Variants in ITPK1 observed in about 807,000 individuals in gnomAD.
The protein encoded by ITPK1 is inositol 1,3,4-trisphosphate 5/6-kinase.
ITPK1 carries 21 observed loss-of-function variants against 45.3 expected under a neutral mutation model. The observed-to-expected ratio is 0.46, with a 90% CI of 0.33 to 0.67. The LOEUF (loss-of-function observed/expected upper bound fraction) is 0.67, where lower values mean the gene tolerates loss of function less well. ITPK1 is among the 30% of genes least tolerant of loss of function. The pLI, the probability that ITPK1 is intolerant of heterozygous loss-of-function variation, is 0.02. For synonymous variants in ITPK1, 258 were observed against 253.6 expected, an observed-to-expected ratio of 1.02 and a Z score of -0.16; for missense variants, 474 against 573.5, an observed-to-expected ratio of 0.83 and a Z score of 1.77.
chr14:93,030,006 T>G (rs749706791), intron 3 of ITPK1, among the ~76,000 whole-genome samples: 1 of 152,204 alleles, frequency 6.6e-6, no homozygotes, highest in Non-Finnish European at 1.5e-5. Flanking sequence ...ACCCTGTCTC[T>G]CTGCACTTCC....
intron 2 of ITPK1, among the ~76,000 whole-genome samples, chr14:93,093,306 T>C (rs972710863): frequency 4.6e-5 from 7 of 152,156 alleles, no homozygotes; most frequent in Non-Finnish European, 8.8e-5. Flanking sequence ...GGAGCCCAGC[T>C]CTCTGCCCTG....
chr14:93,008,710 G>C (rs1380956003), intron 4 of ITPK1, among the ~76,000 whole-genome samples: 3 of 152,254 alleles, frequency 2.0e-5, no homozygotes, highest in Non-Finnish European at 4.4e-5. Flanking sequence ...GGCAGACACA[G>C]TGGGCTTTAT....
chr14:93,064,501 C>T (rs1226359085), intron 3 of ITPK1, among the ~76,000 whole-genome samples: 1 of 152,100 alleles, frequency 6.6e-6, no homozygotes, highest in Non-Finnish European at 1.5e-5. Context: ...CCCTCTCAGG[C>T]CTCTGTACCC....
At chr14:92,977,666 C>T (rs1364387895) in intron 5 of ITPK1, among the ~76,000 whole-genome samples, 2 of 151,856 alleles carry the variant, frequency 1.3e-5, no homozygotes, top group African/African-American at 4.9e-5. Context: ...GCACTTCATC[C>T]TTCTTTCTCT....
intron 3 of ITPK1, among the ~76,000 whole-genome samples, chr14:93,020,552 T>C (rs1042552782): frequency 4.6e-5 from 7 of 152,272 alleles, no homozygotes; most frequent in Middle Eastern, 3.4e-3. Flanking sequence ...CAGGAAGAAT[T>C]AGTGGCTCCC....
intron 2 of ITPK1, among the ~76,000 whole-genome samples, chr14:93,087,694 C>G (rs1172936888): frequency 6.6e-6 from 1 of 152,212 alleles, no homozygotes; most frequent in African/African-American, 2.4e-5. Flanking sequence ...CTCTGCCATC[C>G]CAGGATTCTC....
chr14:93,093,710 G>A lies in ITPK1; in HGVS notation c.96-17091C>T, dbSNP rs964289622. Among the ~76,000 whole-genome samples the A allele has an allele frequency of 3.3e-5, 5 of 152,346 alleles. No individual in the cohort carries two copies. The East Asian group carries it at 9.6e-4, about 29-fold the overall frequency. ...CAACATCCTGAGTAGTCGAGGAATA[G>A]CCGAGGTTGCTAATGAGTCCTCAGA... On this transcript the variant is annotated intron_variant, in intron 2 of 10. Transcript: ENST00000267615.
intron 5 of ITPK1, among the ~76,000 whole-genome samples, chr14:92,972,421 G>A (rs903258826): frequency 6.6e-6 from 1 of 152,008 alleles, no homozygotes; most frequent in African/African-American, 2.4e-5. Flanking sequence ...GGGAGATGAG[G>A]GCCATCCGCA....
intron 3 of ITPK1, among the ~76,000 whole-genome samples, chr14:93,024,100 G>A (rs1888608839): frequency 6.6e-6 from 1 of 152,176 alleles, no homozygotes; most frequent in Non-Finnish European, 1.5e-5. Flanking sequence ...TCCACAAGGT[G>A]GGGAGTCAGA....
chr14:93,072,433 T>G (rs1891051974), intron 3 of ITPK1, among the ~76,000 whole-genome samples: 1 of 152,144 alleles, frequency 6.6e-6, no homozygotes. Flanking sequence ...GTTGCTAGAA[T>G]AAGACAGGGT....
intron 3 of ITPK1, among the ~76,000 whole-genome samples, chr14:93,042,972 C>T (rs1041089552): frequency 9.2e-5 from 14 of 152,062 alleles, no homozygotes; most frequent in South Asian, 4.2e-4. Context: ...GAGCCAAGAT[C>T]GCACCACTGC....
At chr14:93,101,685 C>T (rs1010659673) in intron 2 of ITPK1, among the ~76,000 whole-genome samples, 1 of 152,280 alleles carries the variant, frequency 6.6e-6, no homozygotes, top group South Asian at 2.1e-4. Context: ...CCCATCTCTA[C>T]TAAAAATACA....
At chr14:92,975,245 G>A (rs986820306) in intron 5 of ITPK1, among the ~76,000 whole-genome samples, 3 of 152,264 alleles carry the variant, frequency 2.0e-5, no homozygotes, top group East Asian at 1.9e-4. Flanking sequence ...TGGGCAAAAT[G>A]AGCCTTGCTC....
chr14:92,972,292 T>A (rs551524239), intron 5 of ITPK1, among the ~76,000 whole-genome samples: 2 of 152,208 alleles, frequency 1.3e-5, no homozygotes, highest in South Asian at 4.2e-4. Flanking sequence ...CACTGGGAGA[T>A]AGGGTCTTTA....
intron 3 of ITPK1, among the ~76,000 whole-genome samples, chr14:93,046,374 C>A (rs954626473): frequency 4.6e-5 from 7 of 152,216 alleles, no homozygotes; most frequent in African/African-American, 1.7e-4. Flanking sequence ...AGGGTCTGCA[C>A]AGGGTTGGCC....
rs1477510778 is a variant in ITPK1, at chr14:93,016,822, A to G, written c.121-21T>C. The stretch of plus-strand genomic sequence containing the variant: ...TTCAGCTGTGAGGCAGGGAACACAG[A>G]CAAAAGCAACAACTTCAGCACCTGA... On this transcript the variant is annotated intron_variant, in intron 3 of 10. Coordinates refer to ENST00000267615, the MANE Select transcript of ITPK1 (RefSeq NM_014216.6). The surrounding 1 kb of genome is among the most constrained non-coding windows in gnomAD (Gnocchi z 5.0). 7.4e-6 allele frequency: 12 copies of G among 1,612,698 alleles called. No individual in the cohort carries two copies. The highest frequency in any genetic ancestry group is 1.0e-5 in the Non-Finnish European group (12 of 1,179,076).
chr14:93,022,873 A>T (rs4905034), intron 3 of ITPK1, among the ~76,000 whole-genome samples: 8,519 of 152,218 alleles, frequency 0.056, 453 homozygotes, highest in African/African-American at 0.13. Context: ...ACAAAGAAAA[A>T]AACAGTAACT....
At chr14:93,068,944 T>TG (rs1387515882) in intron 3 of ITPK1, 10 of 152,314 alleles carry the variant, frequency 6.6e-5, no homozygotes, top group African/African-American at 1.9e-4. Context: ...GCGCCAGTGC[T>TG]GGCATGGGCT....
intron 3 of ITPK1, among the ~76,000 whole-genome samples, chr14:93,074,938 A>G (rs1250205128): frequency 1.3e-5 from 2 of 152,040 alleles, no homozygotes; most frequent in Non-Finnish European, 2.9e-5. Flanking sequence ...GCCAAAACCA[A>G]TCAAACAGAA....
Sources: gnomAD v4.1 joint callset for allele counts (sites outside exome capture counted in the v4.1 genomes callset) on GRCh38, gnomAD v4.1.1 for gene constraint, Gnocchi (gnomAD v3.1) non-coding constraint, MANE v1.5 for transcripts, NCBI Gene and HGNC (gene_info 2026-07-23, HGNC 2026-07-21) for gene names.